The following TAF11 variants were observed in gnomAD, a reference collection of about 807,000 sequenced individuals.
TAF11 encodes the protein transcription initiation factor TFIID subunit 11.
Under a neutral mutation model 23.0 loss-of-function variants are expected in TAF11, and 10 were observed. The observed-to-expected ratio is 0.43, with a 90% CI of 0.27 to 0.74. The LOEUF is 0.74. Ranked by LOEUF, TAF11 falls within the 30% of genes least tolerant of loss-of-function variation. The probability of loss-of-function intolerance (pLI) is 0.19; values close to 1 mark genes in which losing one functional copy is unlikely to be tolerated. For synonymous variants in TAF11, 85 were observed against 95.8 expected, an observed-to-expected ratio of 0.89 and a Z score of 0.66; for missense variants, 196 against 261.7, an observed-to-expected ratio of 0.75 and a Z score of 1.73.
At chr6:34,879,808 T>TA in intron 4 of TAF11, 159 bp downstream of exon 4, 1 of 985,338 alleles carries the variant, frequency 1.0e-6, no homozygotes, top group South Asian at 4.7e-5. Flanking sequence ...TTGCAAGGAA[T>TA]AACAGTCATG....
At position 34,880,661 on chromosome 6, in the gene TAF11, C is replaced by CT. The variant is rs1491299688; in HGVS notation, c.321-286dup. Among the ~76,000 whole-genome samples, 2 of 115,014 alleles carry CT rather than the reference C, an allele frequency of 1.7e-5. No individual in the cohort carries two copies. Among genetic ancestry groups the CT allele is most frequent in the African/African-American group, 6.2e-5 (1 of 16,164 alleles). 75.5% of individuals were successfully genotyped at this position (115,014 alleles called of 152,430 possible). On this transcript the variant is annotated intron_variant, in intron 2 of 4. Transcript: ENST00000361288. The surrounding 1 kb of genome is among the most constrained non-coding windows in gnomAD (Gnocchi z 4.8). ...AGCATTAGACACTATCTCCATAACT[C>CT]TATCTTATTGAATTTCACACTGATG... is the stretch of plus-strand genomic sequence containing the variant.
intron 1 of TAF11, among the ~76,000 whole-genome samples, chr6:34,884,452 G>A (rs895353176): frequency 6.6e-6 from 1 of 152,140 alleles, no homozygotes; most frequent in Non-Finnish European, 1.5e-5. Flanking sequence ...TGGCAGGAGG[G>A]AAAGGATCAG....
chr6:34,882,215 G>A (rs937807523), intron 2 of TAF11, among the ~76,000 whole-genome samples: 7 of 151,590 alleles, frequency 4.6e-5, no homozygotes, highest in African/African-American at 1.7e-4. Flanking sequence ...GCAGGAGCCT[G>A]TAGTCCCAGC....
intron 2 of TAF11, among the ~76,000 whole-genome samples, chr6:34,882,034 T>G (rs904758673): frequency 6.6e-6 from 1 of 151,222 alleles, no homozygotes; most frequent in Non-Finnish European, 1.5e-5. Context: ...TGCTGTAACA[T>G]AATTATTTGA....
intron 4 of TAF11, 152 bp from the exon 5 acceptor site, chr6:34,878,872 G>A (rs1031553672): frequency 7.5e-6 from 5 of 666,094 alleles, no homozygotes; most frequent in African/African-American, 5.5e-5. Context: ...TTAGTATAAC[G>A]TCTCATAACA....
At chr6:34,881,604 G>GA (rs538232441) in intron 2 of TAF11, among the ~76,000 whole-genome samples, 1 of 150,808 alleles carries the variant, frequency 6.6e-6, no homozygotes, top group Non-Finnish European at 1.5e-5. Flanking sequence ...GACATTTGTG[G>GA]AAAAAAAAAT....
chr6:34,882,643 C>CA (rs11377156), intron 2 of TAF11, among the ~76,000 whole-genome samples: 45,903 of 150,046 alleles, frequency 0.31, 9,708 homozygotes, highest in East Asian at 0.58. Flanking sequence ...GACTCTATCT[C>CA]AAAAAAATAA....
At chr6:34,885,328 T>G (rs1418672764) in intron 1 of TAF11, among the ~76,000 whole-genome samples, 1 of 152,220 alleles carries the variant, frequency 6.6e-6, no homozygotes, top group Non-Finnish European at 1.5e-5. Flanking sequence ...AAATAAAGCT[T>G]TGGCCAAATC....
chr6:34,882,307 C>T (rs1260030798), intron 2 of TAF11, among the ~76,000 whole-genome samples: 1 of 149,308 alleles, frequency 6.7e-6, no homozygotes, highest in East Asian at 2.0e-4. Flanking sequence ...CACCGCACTC[C>T]AGCCTGAGCA....
At chr6:34,881,949 C>A (rs1321952139) in intron 2 of TAF11, among the ~76,000 whole-genome samples, 1 of 151,782 alleles carries the variant, frequency 6.6e-6, no homozygotes, top group Non-Finnish European at 1.5e-5. Flanking sequence ...CCACCCGCCT[C>A]AGCCTCCCAA....
intron 1 of TAF11, among the ~76,000 whole-genome samples, chr6:34,886,647 G>A (rs1185770716): frequency 6.6e-6 from 1 of 151,748 alleles, no homozygotes; most frequent in African/African-American, 2.4e-5. Flanking sequence ...TGTATTTTTA[G>A]TAGAGACGGG....
Position 34,878,138 on chromosome 6 carries a change from G to T in TAF11, c.*452C>A, listed in dbSNP as rs1221788540. The T allele has an allele frequency of 6.4e-6, 1 of 156,080 alleles. No homozygotes were observed. Among genetic ancestry groups the T allele is most frequent in the Non-Finnish European group, 1.4e-5 (1 of 70,416 alleles). 9.7% of individuals were successfully genotyped at this position (156,080 alleles called of 1,614,324 possible). A position where few individuals can be genotyped will look rare whatever the true frequency, so the allele number is the denominator to read the frequency against. On this transcript the variant is annotated 3_prime_UTR_variant, in exon 5 of 5. Coordinates refer to ENST00000361288, the MANE Select transcript of TAF11 (RefSeq NM_005643.4). ...ACAGTAGTGTGTGCCTGTAGTCCTAGCTACTCAGGAGACTGAGGTGGGAGG... is the reference window on the plus strand; with the variant it reads ...ACAGTAGTGTGTGCCTGTAGTCCTATCTACTCAGGAGACTGAGGTGGGAGG...
chr6:34,883,913 T>A (rs1766488849), intron 1 of TAF11, among the ~76,000 whole-genome samples: 2 of 152,232 alleles, frequency 1.3e-5, no homozygotes, highest in South Asian at 4.1e-4. Context: ...AGTCAAAAAA[T>A]AACAGATACT....
intron 1 of TAF11, 118 bp downstream of exon 1, chr6:34,887,669 G>A: frequency 8.0e-7 from 1 of 1,244,430 alleles, no homozygotes; most frequent in Non-Finnish European, 1.2e-6. Context: ...CGATCTGGAG[G>A]GAATTCTGGT....
At position 34,880,186 on chromosome 6, in the gene TAF11, A is replaced by C; in HGVS notation, c.408+103T>G. 6.6e-7 allele frequency: 1 copy of C among 1,522,256 alleles called. No homozygotes were observed. Among genetic ancestry groups the C allele is most frequent in the Non-Finnish European group, 9.1e-7 (1 of 1,101,260 alleles). The allele number at this position is 1,522,256 out of a possible 1,614,324, so 94.3% of individuals were successfully genotyped here. ...GTGCATTTTTTTTCCCACCTAAATA[A>C]TCCCCTGACTTGTCTAACACCTCAC... is the stretch of plus-strand genomic sequence containing the variant. On this transcript the variant is annotated intron_variant, in intron 3 of 4. Coordinates refer to ENST00000361288, the MANE Select transcript of TAF11 (RefSeq NM_005643.4). This position sits in a 1 kb window ranked among gnomAD's most constrained non-coding sequence, Gnocchi z 4.8.
At chr6:34,885,113 TC>T (rs199972096) in intron 1 of TAF11, among the ~76,000 whole-genome samples, 1 of 151,606 alleles carries the variant, frequency 6.6e-6, no homozygotes, top group Non-Finnish European at 1.5e-5. Flanking sequence ...ATCTTTTTTT[TC>T]TCCCCCAGAC....
Position 34,880,189 on chromosome 6 carries a change from C to T in TAF11, c.408+100G>A. On this transcript the variant is annotated intron_variant, in intron 3 of 4. Transcript: ENST00000361288. The surrounding 1 kb of genome is among the most constrained non-coding windows in gnomAD (Gnocchi z 4.8). Reference sequence around the variant, plus strand: ...CATTTTTTTTCCCACCTAAATAATCCCCTGACTTGTCTAACACCTCACTTC... The same window carrying T: ...CATTTTTTTTCCCACCTAAATAATCTCCTGACTTGTCTAACACCTCACTTC... 1 of 1,526,604 alleles carries T rather than the reference C, an allele frequency of 6.6e-7. No individual in the cohort carries two copies. The allele number at this position is 1,526,604 out of a possible 1,614,324, so 94.6% of individuals were successfully genotyped here. A position where few individuals can be genotyped will look rare whatever the true frequency, so the allele number is the denominator to read the frequency against.
rs1456195725 is a variant in TAF11 at position 34,880,514 on chromosome 6, T to A, written c.321-138A>T. The A allele has an allele frequency of 1.7e-5, 12 of 702,342 alleles. No individual in the cohort carries two copies. Among genetic ancestry groups the A allele is most frequent in the Non-Finnish European group, 2.8e-5 (12 of 428,732 alleles). The allele number at this position is 702,342 out of a possible 1,614,324, so 43.5% of individuals were successfully genotyped here. A position where few individuals can be genotyped will look rare whatever the true frequency, so the allele number is the denominator to read the frequency against. ...GCATTAGGCTTGGTGCCTTGAGGAA[T>A]GAAGATAAAACACTTCTACTCCAAA... On this transcript the variant is annotated intron_variant, in intron 2 of 4. Transcript: ENST00000361288. This position sits in a 1 kb window ranked among gnomAD's most constrained non-coding sequence, Gnocchi z 4.8.
Position 34,887,744 on chromosome 6 carries a change from T to C in TAF11, c.171+43A>G, listed in dbSNP as rs757753309. 5 of 1,612,324 alleles carry C rather than the reference T, an allele frequency of 3.1e-6. No homozygotes were observed. In the South Asian group the frequency reaches 5.5e-5, roughly 18 times the overall value. ...GCCCGGCGAGCAGCCAGTAACACAATCTCTGGGTATTCCTTCAGCCTCATC... is the reference window on the plus strand; with the variant it reads ...GCCCGGCGAGCAGCCAGTAACACAACCTCTGGGTATTCCTTCAGCCTCATC... On this transcript the variant is annotated intron_variant, in intron 1 of 4. Transcript: ENST00000361288.
Sources: allele counts gnomAD v4.1 joint callset (sites outside exome capture counted in the v4.1 genomes callset), GRCh38; gene constraint gnomAD v4.1.1; non-coding constraint Gnocchi (gnomAD v3.1); transcripts MANE v1.5; gene names NCBI Gene and HGNC (gene_info 2026-07-23, HGNC 2026-07-21).